MEF2C: variants seen among roughly 807,000 people sequenced by gnomAD.
MEF2C encodes the protein myocyte-specific enhancer factor 2C.
Under a neutral mutation model 50.5 loss-of-function variants are expected in MEF2C, and 6 were observed. That is an observed-to-expected ratio of 0.12 (90% confidence interval 0.07 to 0.23). MEF2C has a LOEUF of 0.23. Ranked by LOEUF, MEF2C falls within the 10% of genes least tolerant of loss-of-function variation. The pLI is 1.00. For missense variants in MEF2C, 276 were observed against 605.0 expected, an observed-to-expected ratio of 0.46 and a Z score of 5.70; for synonymous variants, 183 against 228.0, an observed-to-expected ratio of 0.80 and a Z score of 1.78.
chr5:88,796,051 T>G (rs1065932), intron 3 of MEF2C, among the ~76,000 whole-genome samples: 16,070 of 152,234 alleles, frequency 0.11, 1,095 homozygotes, highest in Non-Finnish European at 0.15. Context: ...CAGTATTTTA[T>G]TGAGGATTTT....
chr5:88,756,842 C>T (rs1352181211), intron 4 of MEF2C, among the ~76,000 whole-genome samples: 1 of 151,614 alleles, frequency 6.6e-6, no homozygotes, highest in Non-Finnish European at 1.5e-5. Context: ...AAACACCAAA[C>T]TTGCAAAGAC....
chr5:88,859,211 T>C (rs1034781716), intron 1 of MEF2C, among the ~76,000 whole-genome samples: 10 of 152,218 alleles, frequency 6.6e-5, no homozygotes, highest in Admixed American at 5.2e-4. Flanking sequence ...AAAAAATAAA[T>C]TCTGGATTTT....
intron 3 of MEF2C, among the ~76,000 whole-genome samples, chr5:88,777,899 C>CTTTTTTTTT (rs57841792): frequency 3.9e-5 from 3 of 77,320 alleles, no homozygotes; most frequent in African/African-American, 5.3e-5. Flanking sequence ...TTTTTCTTTT[C>CTTTTTTTTT]TTTTTTTTTT....
chr5:88,783,631 A>C (rs889191185), intron 3 of MEF2C, among the ~76,000 whole-genome samples: 17 of 152,014 alleles, frequency 1.1e-4, no homozygotes, highest in African/African-American at 4.1e-4. Context: ...ACTCCATCTC[A>C]AAAAAAATAA....
At chr5:88,742,070 T>C in intron 6 of MEF2C, 1 of 985,390 alleles carries the variant, frequency 1.0e-6, no homozygotes, top group Non-Finnish European at 1.2e-6. Flanking sequence ...GGCAAAGGTT[T>C]GTCTAAAAAC....
At chr5:88,847,037 T>C (rs940409555) in intron 1 of MEF2C, among the ~76,000 whole-genome samples, 2 of 152,190 alleles carry the variant, frequency 1.3e-5, no homozygotes, top group Non-Finnish European at 2.9e-5. Flanking sequence ...TCTTTTTATA[T>C]CAAAAATGTC....
chr5:88,869,698 T>C (rs1828905061), intron 1 of MEF2C, among the ~76,000 whole-genome samples: 1 of 151,328 alleles, frequency 6.6e-6, no homozygotes, highest in Non-Finnish European at 1.5e-5. Flanking sequence ...AGAAAAATTA[T>C]TTTTTATGAA....
At chr5:88,807,438 T>C (rs893457098) in intron 2 of MEF2C, among the ~76,000 whole-genome samples, 3 of 152,132 alleles carry the variant, frequency 2.0e-5, no homozygotes, top group African/African-American at 7.2e-5. Context: ...TTCCCTATGT[T>C]ACCCAGGCTG....
chr5:88,843,928 G>A (rs1301185060), intron 1 of MEF2C, among the ~76,000 whole-genome samples: 2 of 151,380 alleles, frequency 1.3e-5, no homozygotes, highest in African/African-American at 4.9e-5. Context: ...TCCTGCCTCA[G>A]CCTCCTGAGT....
chr5:88,753,155 T>A (rs1480688137), intron 4 of MEF2C, among the ~76,000 whole-genome samples: 1 of 152,202 alleles, frequency 6.6e-6, no homozygotes, highest in Non-Finnish European at 1.5e-5. Context: ...TCTGTTACTG[T>A]TTGGTTGGCT....
At chr5:88,774,891 A>T (rs1477133531) in intron 3 of MEF2C, among the ~76,000 whole-genome samples, 1 of 151,782 alleles carries the variant, frequency 6.6e-6, no homozygotes, top group Non-Finnish European at 1.5e-5. Context: ...CTTTATTTAA[A>T]CTCGTCTTTC....
chr5:88,903,891 A>G (rs1400279030), intron 1 of MEF2C: 1 of 151,594 alleles, frequency 6.6e-6, no homozygotes. Flanking sequence ...AGATTAAAAA[A>G]TATATTTTGG....
At chr5:88,753,980 T>C (rs1309588557) in intron 4 of MEF2C, among the ~76,000 whole-genome samples, 1 of 152,230 alleles carries the variant, frequency 6.6e-6, no homozygotes, top group Non-Finnish European at 1.5e-5. Flanking sequence ...TGCTCTAGCA[T>C]ACCCAAGAAA....
intron 1 of MEF2C, among the ~76,000 whole-genome samples, chr5:88,870,451 A>G (rs556260478): frequency 6.6e-6 from 1 of 152,220 alleles, no homozygotes; most frequent in Non-Finnish European, 1.5e-5. Flanking sequence ...TGTTAGTGAC[A>G]GCAGAACAGA....
chr5:88,826,332 C>T (rs193279435), intron 1 of MEF2C, among the ~76,000 whole-genome samples: 34 of 152,032 alleles, frequency 2.2e-4, no homozygotes, highest in African/African-American at 8.2e-4. Context: ...TTCAATAGAA[C>T]TAAACTTTTG....
intron 3 of MEF2C, among the ~76,000 whole-genome samples, chr5:88,783,634 AAAAAT>A (rs1266660663): frequency 2.0e-5 from 3 of 152,306 alleles, no homozygotes; most frequent in South Asian, 4.1e-4. Context: ...CCATCTCAAA[AAAAAT>A]AAAATAAAAT....
chr5:88,845,493 A>G (rs1384668383), intron 1 of MEF2C, among the ~76,000 whole-genome samples: 3 of 152,078 alleles, frequency 2.0e-5, no homozygotes, highest in Non-Finnish European at 2.9e-5. Flanking sequence ...TAAATCTGAG[A>G]TTACAACAGC....
intron 3 of MEF2C, chr5:88,770,116 TTAATA>T: frequency 2.0e-6 from 1 of 501,844 alleles, no homozygotes; most frequent in Non-Finnish European, 2.6e-6. Flanking sequence ...AAGGAGTAAA[TTAATA>T]TAAGATCAGA....
intron 1 of MEF2C, among the ~76,000 whole-genome samples, chr5:88,847,884 C>G (rs1217494057): frequency 1.3e-5 from 2 of 152,046 alleles, no homozygotes; most frequent in African/African-American, 4.8e-5. Context: ...TTGGTAATGA[C>G]TTGGATCACA....
Sources: gnomAD v4.1 joint callset for allele counts (sites outside exome capture counted in the v4.1 genomes callset) on GRCh38, gnomAD v4.1.1 for gene constraint, MANE v1.5 for transcripts, NCBI Gene and HGNC (gene_info 2026-07-23, HGNC 2026-07-21) for gene names.